The following SSC4D variants were observed in gnomAD, a reference collection of about 807,000 sequenced individuals.
The protein encoded by SSC4D is scavenger receptor cysteine rich family member with 4 domains.
In SSC4D, 57 loss-of-function variants were observed where a neutral mutation model predicts 63.4. That is an observed-to-expected ratio of 0.90 (90% confidence interval 0.73 to 1.12). The LOEUF is 1.12. Ranked by LOEUF, SSC4D falls within the 50% of genes most tolerant of loss-of-function variation. The probability of loss-of-function intolerance (pLI) is 0.00; values close to 1 mark genes in which losing one functional copy is unlikely to be tolerated. For synonymous variants in SSC4D, 352 were observed against 345.4 expected (o/e 1.02, Z -0.21); for missense variants, 791 against 806.4 (o/e 0.98, Z 0.23).
chr7:76,402,802 T>G (rs1351435402), intron 2 of SSC4D, among the ~76,000 whole-genome samples: 1 of 152,188 alleles, frequency 6.6e-6, no homozygotes, highest in Admixed American at 6.6e-5. Context: ...CCCAAGTAGC[T>G]GGGATTACAG....
At position 76,397,621 on chromosome 7, in the gene SSC4D, G is replaced by C. The variant is rs1804681177; in HGVS notation, c.765C>G (p.Asn255Lys). ...GGGGCTCGCCGCCTTCGCAGTGCAC[G>C]TTGTCCAGCAGGATGTGTCCGGTGC... ...GYGTGHILLD[N>K]VHCEGGEPRL... Residue 255 changes from asparagine (N) to lysine (K), a missense_variant, in exon 6 of 11, where the codon AAC (asparagine) becomes AAG (lysine). Transcript: ENST00000275560. 2 of 1,613,152 alleles carry C rather than the reference G, an allele frequency of 1.2e-6. No individual in the cohort carries two copies. Among genetic ancestry groups the C allele is most frequent in the Non-Finnish European group, 1.7e-6 (2 of 1,179,720 alleles).
chr7:76,405,323 T>TTTTCTTTC (rs765504064), intron 1 of SSC4D, among the ~76,000 whole-genome samples: 1,840 of 29,100 alleles, frequency 0.063, 353 homozygotes, highest in Non-Finnish European at 0.088. Context: ...ATATGTATTT[T>TTTTCTTTC]TTTCTTTCTT....
chr7:76,391,173 C>A (rs960214940), intron 10 of SSC4D, among the ~76,000 whole-genome samples: 2 of 151,418 alleles, frequency 1.3e-5, no homozygotes, highest in African/African-American at 2.4e-5. Context: ...GTGGCTCATG[C>A]CTATAATCAC....
intron 3 of SSC4D, among the ~76,000 whole-genome samples, 164 bp from the exon 4 acceptor site, chr7:76,400,755 G>A (rs1804796009): frequency 1.3e-5 from 2 of 152,172 alleles, no homozygotes; most frequent in Admixed American, 6.5e-5. Context: ...TGATCCTCCT[G>A]CCTTGGCCTC....
chr7:76,393,983 C>T (rs1364884527), intron 7 of SSC4D, 79 bp from the exon 8 acceptor site: 38 of 1,412,508 alleles, frequency 2.7e-5, no homozygotes, highest in Non-Finnish European at 2.6e-5. Context: ...GGGACGCCTA[C>T]CAAGACCCCC....
intron 5 of SSC4D, among the ~76,000 whole-genome samples, 193 bp from the exon 6 acceptor site, chr7:76,398,025 C>T (rs1804697546): frequency 6.6e-6 from 1 of 152,074 alleles, no homozygotes; most frequent in African/African-American, 2.4e-5. Flanking sequence ...CTAAAACCAA[C>T]CCCCCTACCC....
At chr7:76,401,117 C>A in intron 2 of SSC4D, 74 bp from the exon 3 acceptor site, 3 of 1,471,448 alleles carry the variant, frequency 2.0e-6, no homozygotes, top group Middle Eastern at 1.8e-4. Context: ...ACACACCCCC[C>A]AACTCCCACA....
rs76436061 is a variant in SSC4D at position 76,401,039 on chromosome 7, G to A, written c.138C>T (p.Ser46=). The change falls in exon 3 of 11, where the codon AGC becomes AGT. Residue 46 remains serine (S), a synonymous_variant. Transcript: ENST00000275560. ...LSFLLLLPLA[S]ALQPTPLPFQ... is the part of the protein sequence containing the mutation. Reference sequence around the variant, plus strand: ...AGGGCAGTGGAGTGGGCTGTAGGGCGCTGGCTGAAACAGAGTGAGGAAGAG... The same window carrying A: ...AGGGCAGTGGAGTGGGCTGTAGGGCACTGGCTGAAACAGAGTGAGGAAGAG... 6.1e-3 allele frequency: 9,466 copies of A among 1,547,534 alleles called. 375 individuals carry two copies. In the African/African-American group the frequency reaches 0.099, roughly 16 times the overall value.
chr7:76,408,142 G>C (rs1193244365), intron 1 of SSC4D, among the ~76,000 whole-genome samples: 2 of 152,114 alleles, frequency 1.3e-5, no homozygotes, highest in South Asian at 2.1e-4. Context: ...GGGACTGGGG[G>C]ACATGGGTGC....
At chr7:76,398,191 T>C (rs1371445327) in intron 5 of SSC4D, among the ~76,000 whole-genome samples, 1 of 152,106 alleles carries the variant, frequency 6.6e-6, no homozygotes, top group Admixed American at 6.6e-5. Flanking sequence ...TTTGCCTCTT[T>C]CACTGTCCCT....
chr7:76,400,859 T>G (rs1804800767), intron 3 of SSC4D, 149 bp downstream of exon 3: 1 of 1,215,536 alleles, frequency 8.2e-7, no homozygotes, highest in Middle Eastern at 2.7e-4. Context: ...CAATCCCTTC[T>G]GGAAAATGGG....
At chr7:76,401,842 G>C (rs1804839716) in intron 2 of SSC4D, among the ~76,000 whole-genome samples, 1 of 152,110 alleles carries the variant, frequency 6.6e-6, no homozygotes, top group Non-Finnish European at 1.5e-5. Flanking sequence ...CTCTTTCAGG[G>C]CCTTCTCTGG....
chr7:76,400,865 A>G (rs1804801028), intron 3 of SSC4D, 143 bp downstream of exon 3: 1 of 1,222,784 alleles, frequency 8.2e-7, no homozygotes, highest in African/African-American at 1.5e-5. Context: ...CTTCTGGAAA[A>G]TGGGGAGACT....
chr7:76,405,323 T>TTTTTTTTC (rs1563687069), intron 1 of SSC4D, among the ~76,000 whole-genome samples: 5 of 29,172 alleles, frequency 1.7e-4, no homozygotes, highest in Admixed American at 6.7e-4. Flanking sequence ...ATATGTATTT[T>TTTTTTTTC]TTTCTTTCTT....
chr7:76,404,505 T>G lies in SSC4D; in HGVS notation c.-66A>C. On this transcript the variant is annotated splice_region_variant and 5_prime_UTR_variant, in exon 2 of 11. It removes an upstream start codon present in the reference 5' UTR. Transcript: ENST00000275560. ...CCAGGGAGAAGTCACAGTTGGAACA[T>G]CTGAAATTAAAGATCCCAAATGTTG... 2 of 1,611,392 alleles carry G rather than the reference T, an allele frequency of 1.2e-6. No individual in the cohort carries two copies. Among genetic ancestry groups the G allele is most frequent in the South Asian group, 2.2e-5 (2 of 90,988 alleles).
intron 1 of SSC4D, among the ~76,000 whole-genome samples, chr7:76,407,794 C>G (rs911873930): frequency 6.6e-6 from 1 of 152,164 alleles, no homozygotes; most frequent in African/African-American, 2.4e-5. Context: ...GCATTCACAC[C>G]ATGTAACCAG....
At position 76,397,837 on chromosome 7, in the gene SSC4D, G is replaced by A. The variant is rs770008355; in HGVS notation, c.554-5C>T. 1.3e-6 allele frequency: 2 copies of A among 1,550,356 alleles called. No individual in the cohort carries two copies. Among genetic ancestry groups the A allele is most frequent in the Admixed American group, 3.9e-5 (2 of 51,250 alleles). ...CCAGGCGTACGCTGCCCTCACCTGG[G>A]GATGGGGGCGGGGGTCAGGGCGCAT... On this transcript the variant is annotated splice_polypyrimidine_tract_variant and splice_region_variant and intron_variant, in intron 5 of 10. Transcript: ENST00000275560.
chr7:76,394,819 A>AATATATATGATATATATTATATATAAG (rs1563680998), intron 7 of SSC4D, among the ~76,000 whole-genome samples: 35 of 139,256 alleles, frequency 2.5e-4, no homozygotes, highest in Middle Eastern at 3.7e-3. Context: ...ATATGTGTAT[A>AATATATATGATATATATTATATATAAG]ATATATATGA....
Position 76,389,908 on chromosome 7 carries a change from C to G in SSC4D, c.*151G>C, listed in dbSNP as rs1804455014. On this transcript the variant is annotated 3_prime_UTR_variant, in exon 11 of 11. Coordinates refer to ENST00000275560, the MANE Select transcript of SSC4D (RefSeq NM_080744.2). ...GGACGGGGGTACAGCCAGGCTCCCC[C>G]AAGCAGGACTGCACTGTCTAGGTAG... The G allele has an allele frequency of 3.1e-6, 3 of 978,422 alleles. No individual in the cohort carries two copies. Among genetic ancestry groups the G allele is most frequent in the South Asian group, 1.6e-5 (1 of 60,660 alleles). 60.6% of individuals were successfully genotyped at this position (978,422 alleles called of 1,614,324 possible).
Sources: gnomAD v4.1 joint callset for allele counts (sites outside exome capture counted in the v4.1 genomes callset) on GRCh38, gnomAD v4.1.1 for gene constraint, MANE v1.5 for transcripts, NCBI Gene and HGNC (gene_info 2026-07-23, HGNC 2026-07-21) for gene names.